DSCAM: variants seen among roughly 807,000 people sequenced by gnomAD.
DSCAM encodes the protein cell adhesion molecule DSCAM.
In DSCAM, 47 loss-of-function variants were observed where a neutral mutation model predicts 217.7. The observed-to-expected ratio is 0.22, with a 90% CI of 0.17 to 0.28. The LOEUF (loss-of-function observed/expected upper bound fraction) is 0.28. Among genes scored for constraint, DSCAM ranks in the 10% least tolerant of loss-of-function variants. The pLI is 1.00. For missense variants in DSCAM, 2,080 were observed against 2,618.3 expected (o/e 0.79, Z 4.49); for synonymous variants, 1,056 against 1,015.3 (o/e 1.04, Z -0.76).
chr21:40,083,824 C>A, intron 24 of DSCAM, 84 bp downstream of exon 24: 2 of 1,037,804 alleles, frequency 1.9e-6, no homozygotes, highest in South Asian at 3.1e-5. Context: ...TAACACATAC[C>A]AGTCATTTGC....
chr21:40,684,806 T>C (rs983422760), intron 3 of DSCAM, among the ~76,000 whole-genome samples: 8 of 152,236 alleles, frequency 5.3e-5, no homozygotes, highest in Admixed American at 2.0e-4. Context: ...GATCCTGTTA[T>C]TCTCTTGAAT....
chr21:40,422,246 GC>G (rs1452637309), intron 3 of DSCAM, among the ~76,000 whole-genome samples: 5 of 152,170 alleles, frequency 3.3e-5, no homozygotes, highest in African/African-American at 1.2e-4. Context: ...TCCAGTCTTG[GC>G]CTTCGAGGGC....
intron 3 of DSCAM, among the ~76,000 whole-genome samples, chr21:40,387,558 C>A (rs73229153): frequency 6.6e-6 from 1 of 152,016 alleles, no homozygotes; most frequent in Non-Finnish European, 1.5e-5. Flanking sequence ...CTGGCAGAAG[C>A]AAAGACAAAT....
At chr21:40,080,105 G>A in intron 25 of DSCAM, 47 bp downstream of exon 25, 1 of 1,273,118 alleles carries the variant, frequency 7.9e-7, no homozygotes, top group Non-Finnish European at 1.1e-6. Context: ...TCCTCTTCTG[G>A]CCGGGAAAAG....
At chr21:40,200,034 G>GTTTTTTTT in intron 11 of DSCAM, among the ~76,000 whole-genome samples, 1 of 123,054 alleles carries the variant, frequency 8.1e-6, no homozygotes, top group African/African-American at 4.1e-5. Flanking sequence ...TTTTTTTTTG[G>GTTTTTTTT]TAAAATACAC....
intron 3 of DSCAM, among the ~76,000 whole-genome samples, chr21:40,436,633 T>C (rs2075585341): frequency 6.6e-6 from 1 of 152,178 alleles, no homozygotes; most frequent in Non-Finnish European, 1.5e-5. Flanking sequence ...GAACACCAGT[T>C]CTGTGGGATA....
chr21:40,630,977 C>CATCAG (rs2089684046), intron 3 of DSCAM, among the ~76,000 whole-genome samples: 1 of 152,202 alleles, frequency 6.6e-6, no homozygotes, highest in Admixed American at 6.5e-5. Flanking sequence ...GAGCATCTGT[C>CATCAG]ATCAATCTGG....
At chr21:40,261,461 G>T (rs2073449104) in intron 11 of DSCAM, among the ~76,000 whole-genome samples, 1 of 152,106 alleles carries the variant, frequency 6.6e-6, no homozygotes, top group Non-Finnish European at 1.5e-5. Flanking sequence ...AAGAAACTCT[G>T]CCTGCCTGAT....
chr21:40,068,787 A>G (rs2146531653), intron 27 of DSCAM, among the ~76,000 whole-genome samples: 1 of 152,310 alleles, frequency 6.6e-6, no homozygotes, highest in South Asian at 2.1e-4. Context: ...TTTTCACGTC[A>G]GAAAATGGGG....
chr21:40,490,629 AG>A (rs1270481893), intron 3 of DSCAM, among the ~76,000 whole-genome samples: 2 of 152,140 alleles, frequency 1.3e-5, no homozygotes, highest in African/African-American at 4.8e-5. Flanking sequence ...GACGTCACAA[AG>A]AGGTTGTCTA....
chr21:40,250,069 T>C (rs954075705), intron 11 of DSCAM, among the ~76,000 whole-genome samples: 1 of 152,240 alleles, frequency 6.6e-6, no homozygotes, highest in Non-Finnish European at 1.5e-5. Context: ...TCTACTCACA[T>C]TGACCTTGAC....
At chr21:40,552,230 C>T (rs1259413788) in intron 3 of DSCAM, among the ~76,000 whole-genome samples, 1 of 152,056 alleles carries the variant, frequency 6.6e-6, no homozygotes, top group Non-Finnish European at 1.5e-5. Context: ...AGAAGAATTG[C>T]TTGAACCTGG....
At chr21:40,029,148 T>G (rs2146442935) in intron 32 of DSCAM, among the ~76,000 whole-genome samples, 1 of 152,386 alleles carries the variant, frequency 6.6e-6, no homozygotes, top group South Asian at 2.1e-4. Flanking sequence ...TCAAGGTGGC[T>G]TCCAATTCTT....
chr21:40,723,916 G>A (rs1325521538), intron 1 of DSCAM, among the ~76,000 whole-genome samples: 1 of 152,086 alleles, frequency 6.6e-6, no homozygotes, highest in African/African-American at 2.4e-5. Context: ...TTTGCCATGG[G>A]TTTTACAAAG....
At position 40,625,011 on chromosome 21, in the gene DSCAM, C is replaced by T. The variant is rs202091225; in HGVS notation, c.508+67799G>A. Among the ~76,000 whole-genome samples the T allele has an allele frequency of 2.6e-5, 4 of 152,034 alleles. No individual in the cohort carries two copies. In the East Asian group the frequency reaches 7.7e-4, roughly 29 times the overall value. On this transcript the variant is annotated intron_variant, in intron 3 of 32. Coordinates refer to ENST00000400454, the MANE Select transcript of DSCAM (RefSeq NM_001389.5). ...TGTGTTGACATAAATAGGTATTATA[C>T]AAATATATTCTCACCATAAAAAAGG...
intron 1 of DSCAM, among the ~76,000 whole-genome samples, chr21:40,828,059 A>G (rs2091983995): frequency 6.6e-6 from 1 of 152,174 alleles, no homozygotes; most frequent in African/African-American, 2.4e-5. Context: ...GAGAGAAAAC[A>G]GAATGTTGAT....
At chr21:40,376,603 TATATCTTATATAGATATCG>T (rs1446960209) in intron 3 of DSCAM, among the ~76,000 whole-genome samples, 1 of 133,250 alleles carries the variant, frequency 7.5e-6, no homozygotes, top group East Asian at 2.2e-4. Context: ...TCGATATCTA[TATATCTTATATAGATATCG>T]ATATCTATAT....
At chr21:40,194,581 T>C (rs2090987597) in intron 11 of DSCAM, among the ~76,000 whole-genome samples, 1 of 152,200 alleles carries the variant, frequency 6.6e-6, no homozygotes, top group Non-Finnish European at 1.5e-5. Flanking sequence ...TCTTGCAAAA[T>C]TACCCATTGA....
chr21:40,041,450 A>T (rs1290542104), intron 32 of DSCAM, among the ~76,000 whole-genome samples: 2 of 152,048 alleles, frequency 1.3e-5, no homozygotes, highest in East Asian at 1.9e-4. Flanking sequence ...TTCCATATAA[A>T]ACCAAGTTTT....
Sources: allele counts gnomAD v4.1 joint callset (sites outside exome capture counted in the v4.1 genomes callset), GRCh38; gene constraint gnomAD v4.1.1; transcripts MANE v1.5; gene names NCBI Gene and HGNC (gene_info 2026-07-23, HGNC 2026-07-21).